The following RPA2 variants were observed in gnomAD, a reference collection of about 807,000 sequenced individuals.
RPA2 encodes replication protein A2.
In RPA2, 22 loss-of-function variants were observed where a neutral mutation model predicts 33.4. The ratio of observed to expected loss-of-function variants is 0.66; its 90% CI spans 0.47 to 0.94. The LOEUF is 0.94. RPA2 is among the 40% of genes least tolerant of loss of function. The probability of loss-of-function intolerance (pLI) is 0.00; values close to 1 mark genes in which losing one functional copy is unlikely to be tolerated. For missense variants in RPA2, 279 were observed against 329.9 expected, an observed-to-expected ratio of 0.85 and a Z score of 1.19; for synonymous variants, 109 against 114.9, an observed-to-expected ratio of 0.95 and a Z score of 0.33.
chr1:27,904,746 C>T (rs2090007593), intron 4 of RPA2, among the ~76,000 whole-genome samples: 1 of 151,804 alleles, frequency 6.6e-6, no homozygotes, highest in Non-Finnish European at 1.5e-5. Context: ...CTCACTGCAA[C>T]CTCTGTCTCC....
At chr1:27,900,768 G>C (rs2089958006) in intron 4 of RPA2, among the ~76,000 whole-genome samples, 1 of 152,066 alleles carries the variant, frequency 6.6e-6, no homozygotes, top group South Asian at 2.1e-4. Context: ...AGGTTCAAGT[G>C]ATTCTCCTGC....
chr1:27,914,272 C>G (rs577252749), intron 1 of RPA2, 103 bp from the exon 2 acceptor site: 1 of 1,597,816 alleles, frequency 6.3e-7, no homozygotes, highest in African/African-American at 1.3e-5. Flanking sequence ...CCGAGTCTCC[C>G]TAACCTTCCT....
Position 27,897,067 on chromosome 1 carries a change from A to T in RPA2, c.463T>A (p.Phe155Ile). Reference protein sequence around the residue: ...KIMPLEDMNEFTTHILEVINA... With the variant: ...KIMPLEDMNEITTHILEVINA... Reference sequence around the variant, plus strand: ...ATCACTTCCAGAATATGTGTGGTGAACTCATTCATATCCTCCAGGGGCATG... The same window carrying T: ...ATCACTTCCAGAATATGTGTGGTGATCTCATTCATATCCTCCAGGGGCATG... The change falls in exon 6 of 9, where the codon TTC (phenylalanine) becomes ATC (isoleucine). Residue 155 changes from phenylalanine (F) to isoleucine (I), a missense_variant. Physicochemically the swap from Phe to Ile is conservative, Grantham distance 21. Transcript: ENST00000373912. 6.2e-7 allele frequency: 1 copy of T among 1,613,992 alleles called. No individual in the cohort carries two copies. Among genetic ancestry groups the T allele is most frequent in the Non-Finnish European group, 8.5e-7 (1 of 1,180,006 alleles).
At chr1:27,899,881 CCT>C (rs1324756392) in intron 4 of RPA2, among the ~76,000 whole-genome samples, 6 of 152,076 alleles carry the variant, frequency 3.9e-5, no homozygotes, top group Admixed American at 6.5e-5. Flanking sequence ...AAGGTTTCAC[CCT>C]GTTAACCAGG....
intron 8 of RPA2, among the ~76,000 whole-genome samples, chr1:27,893,188 T>C (rs2089846024): frequency 6.6e-6 from 1 of 152,230 alleles, no homozygotes; most frequent in Non-Finnish European, 1.5e-5. Context: ...ATCCCTCACA[T>C]ATAGTGGTCC....
chr1:27,896,190 TTTTC>T (rs2089889216), intron 6 of RPA2, among the ~76,000 whole-genome samples: 1 of 152,050 alleles, frequency 6.6e-6, no homozygotes, highest in South Asian at 2.1e-4. Context: ...CAATAAATAT[TTTTC>T]TTTTTCTTTA....
intron 6 of RPA2, among the ~76,000 whole-genome samples, chr1:27,896,066 T>G (rs1030279353): frequency 7.3e-6 from 1 of 136,966 alleles, no homozygotes; most frequent in African/African-American, 2.4e-5. Flanking sequence ...TACCTAAAAT[T>G]ATACATATAT....
chr1:27,913,598 A>G (rs2090128446), intron 2 of RPA2, among the ~76,000 whole-genome samples: 1 of 151,736 alleles, frequency 6.6e-6, no homozygotes, highest in Non-Finnish European at 1.5e-5. Flanking sequence ...AAAAAAAAAA[A>G]AAAAAGAATG....
chr1:27,902,581 A>G (rs1033672255), intron 4 of RPA2, among the ~76,000 whole-genome samples: 10 of 152,110 alleles, frequency 6.6e-5, no homozygotes. Flanking sequence ...CACCGCACCT[A>G]GTCAAAAAGA....
At chr1:27,904,576 G>GA (rs1228887017) in intron 4 of RPA2, among the ~76,000 whole-genome samples, 5 of 151,900 alleles carry the variant, frequency 3.3e-5, no homozygotes, top group Admixed American at 3.3e-4. Context: ...TTCTGAGAAG[G>GA]AAAAAATTTA....
intron 2 of RPA2, among the ~76,000 whole-genome samples, chr1:27,907,557 G>C (rs1571620102): frequency 6.6e-6 from 1 of 152,300 alleles, no homozygotes; most frequent in Non-Finnish European, 1.5e-5. Flanking sequence ...GTCAGAGTGG[G>C]GGACAGGATA....
chr1:27,914,548 C>G lies in RPA2; in HGVS notation c.-105G>C. 1 of 1,610,842 alleles carries G rather than the reference C, an allele frequency of 6.2e-7. No homozygotes were observed. Among genetic ancestry groups the G allele is most frequent in the Non-Finnish European group, 8.5e-7 (1 of 1,178,830 alleles). ...ACTGCGCCGCTCTGGCTACTTTTCT[C>G]TGGCACCACAAACGCCTTCCCGCGA... On this transcript the variant is annotated 5_prime_UTR_variant, in exon 1 of 9. Transcript: ENST00000373912.
At chr1:27,906,347 A>G (rs941093714) in intron 4 of RPA2, among the ~76,000 whole-genome samples, 5 of 151,650 alleles carry the variant, frequency 3.3e-5, no homozygotes, top group Non-Finnish European at 7.4e-5. Context: ...AGCCTGGGTG[A>G]CAGCACAAGA....
intron 2 of RPA2, among the ~76,000 whole-genome samples, chr1:27,913,747 T>A (rs2148663909): frequency 6.6e-6 from 1 of 152,208 alleles, no homozygotes; most frequent in Middle Eastern, 3.4e-3. Context: ...TGAGACCCCA[T>A]CTCTATTTTA....
At chr1:27,913,955 G>T in intron 2 of RPA2, 108 bp downstream of exon 2, 2 of 993,548 alleles carry the variant, frequency 2.0e-6, no homozygotes, top group Non-Finnish European at 2.9e-6. Flanking sequence ...GATCATTATC[G>T]CATCAGTTCA....
rs916009732 is a variant in RPA2 at position 27,891,572 on chromosome 1, A to T, written c.*591T>A. 1 of 152,390 alleles carries T rather than the reference A, an allele frequency of 6.6e-6. No individual in the cohort carries two copies. The highest frequency in any genetic ancestry group is 2.4e-5 in the African/African-American group (1 of 41,460). 9.4% of individuals were successfully genotyped at this position (152,390 alleles called of 1,614,324 possible). A position where few individuals can be genotyped will look rare whatever the true frequency, so the allele number is the denominator to read the frequency against. On this transcript the variant is annotated 3_prime_UTR_variant, in exon 9 of 9. Coordinates refer to ENST00000373912, the MANE Select transcript of RPA2 (RefSeq NM_002946.5). ...ACTGTTTTATTAAACATATGACTGT[A>T]TTTATTTTGTACAAAATGCAGTAAC... is the stretch of plus-strand genomic sequence containing the variant.
intron 4 of RPA2, among the ~76,000 whole-genome samples, chr1:27,904,400 T>C (rs1323538697): frequency 1.3e-5 from 2 of 152,118 alleles, no homozygotes; most frequent in Non-Finnish European, 2.9e-5. Context: ...TAAGCAAGCA[T>C]AGTGCATTTT....
chr1:27,899,187 A>G (rs2089931425), intron 4 of RPA2, among the ~76,000 whole-genome samples: 1 of 152,204 alleles, frequency 6.6e-6, no homozygotes, highest in African/African-American at 2.4e-5. Flanking sequence ...AGCCTGGCCA[A>G]CGTGGTGAAA....
At position 27,914,113 on chromosome 1, in the gene RPA2, ACTGCGTGTAGC is replaced by A. The variant is rs2090136846; in HGVS notation, c.56_66del (p.Gly19ValfsTer39). 1 of 1,608,408 alleles carries A rather than the reference ACTGCGTGTAGC, an allele frequency of 6.2e-7. No homozygotes were observed. The highest frequency in any genetic ancestry group is 1.7e-5 in the Admixed American group (1 of 59,088). On this transcript the variant is annotated frameshift_variant, in exon 2 of 9. Transcript: ENST00000373912. LOFTEE classifies it high-confidence loss of function. Reference sequence around the variant, plus strand: ...GCGGGCGATCCAAAGCCCCCCGGGGACTGCGTGTAGCCGCCGGCTCCCCCGTATGAGGAGCT... The same window carrying A: ...GCGGGCGATCCAAAGCCCCCCGGGGACGCCGGCTCCCCCGTATGAGGAGCT...
Sources: gnomAD v4.1 joint callset for allele counts (sites outside exome capture counted in the v4.1 genomes callset) on GRCh38, gnomAD v4.1.1 for gene constraint, MANE v1.5 for transcripts, NCBI Gene and HGNC (gene_info 2026-07-23, HGNC 2026-07-21) for gene names.